Variants in CHPT1 observed in about 807,000 individuals in gnomAD.
CHPT1 encodes cholinephosphotransferase 1.
Under a neutral mutation model 47.6 loss-of-function variants are expected in CHPT1, and 36 were observed. The observed-to-expected ratio is 0.76, with a 90% CI of 0.58 to 1.00. The LOEUF is 1.00. CHPT1 is among the 50% of genes least tolerant of loss of function. The pLI is 0.00. For missense variants in CHPT1, 458 were observed against 498.1 expected (o/e 0.92, Z 0.77); for synonymous variants, 194 against 186.3 (o/e 1.04, Z -0.33).
intron 1 of CHPT1, among the ~76,000 whole-genome samples, chr12:101,713,194 C>T (rs1282080039): frequency 7.0e-6 from 1 of 143,182 alleles, no homozygotes; most frequent in Non-Finnish European, 1.6e-5. Context: ...AGGCTTTCTG[C>T]TTTGCCTGGT....
chr12:101,700,776 G>A (rs536241306), intron 1 of CHPT1, among the ~76,000 whole-genome samples: 98 of 152,310 alleles, frequency 6.4e-4, no homozygotes, highest in Non-Finnish European at 1.0e-3. Context: ...TACCACCTCA[G>A]TATTTCTTCT....
At chr12:101,726,145 A>C in intron 7 of CHPT1, 149 bp from the exon 8 acceptor site, 1 of 596,772 alleles carries the variant, frequency 1.7e-6, no homozygotes, top group Non-Finnish European at 2.9e-6. Flanking sequence ...TGAGGTCCAA[A>C]TTTGAAATGT....
At position 101,714,089 on chromosome 12, in the gene CHPT1, G is replaced by A; in HGVS notation, c.274-1G>A. 2 of 1,570,536 alleles carry A rather than the reference G, an allele frequency of 1.3e-6. No homozygotes were observed. The highest frequency in any genetic ancestry group is 2.4e-5 in the South Asian group (2 of 85,004). On this transcript the variant is annotated splice_acceptor_variant, in intron 1 of 8. Transcript: ENST00000229266. LOFTEE classifies it high-confidence loss of function. Reference sequence around the variant, plus strand: ...CTTTATTTTATTTACATTTTTTATAGGCACCATACTGGACATACCTTTTAT... The same window carrying A: ...CTTTATTTTATTTACATTTTTTATAAGCACCATACTGGACATACCTTTTAT...
At chr12:101,715,489 G>A (rs1026099592) in intron 3 of CHPT1, among the ~76,000 whole-genome samples, 4 of 151,272 alleles carry the variant, frequency 2.6e-5, no homozygotes, top group African/African-American at 4.9e-5. Flanking sequence ...ACCACCTATC[G>A]AGCACTTACA....
rs1192179854 is a variant in CHPT1 at position 101,709,408 on chromosome 12, A to C, written c.274-4682A>C. On this transcript the variant is annotated intron_variant, in intron 1 of 8. Coordinates refer to ENST00000229266, the MANE Select transcript of CHPT1 (RefSeq NM_020244.3). ...TGTGTCAAAAAAAAAAAAAAAAAAAAAAGTCTAATCTATAATTGTACCATT... is the reference window on the plus strand; with the variant it reads ...TGTGTCAAAAAAAAAAAAAAAAAAACAAGTCTAATCTATAATTGTACCATT... Among the ~76,000 whole-genome samples, 7 of 147,010 alleles carry C rather than the reference A, an allele frequency of 4.8e-5. 1 individual carries two copies. The highest frequency in any genetic ancestry group is 1.7e-4 in the African/African-American group (7 of 40,844).
chr12:101,717,929 AG>A (rs567879641), intron 4 of CHPT1, among the ~76,000 whole-genome samples: 192 of 152,358 alleles, frequency 1.3e-3, no homozygotes, highest in African/African-American at 4.3e-3. Flanking sequence ...TGAGCTATCA[AG>A]CCATGAAAAG....
chr12:101,726,605 TCA>T, intron 8 of CHPT1: 1 of 656,720 alleles, frequency 1.5e-6, no homozygotes, highest in Non-Finnish European at 2.3e-6. Context: ...TCATTTTTTA[TCA>T]CAGATGTTCT....
chr12:101,721,741 T>C (rs1286084696), intron 5 of CHPT1, among the ~76,000 whole-genome samples: 2 of 152,198 alleles, frequency 1.3e-5, no homozygotes, highest in Admixed American at 6.5e-5. Context: ...GAAAACAAGA[T>C]GTAGTAATGA....
In CHPT1 at chr12:101,712,053, C is replaced by T. The variant is rs11110977; in HGVS notation, c.274-2037C>T. On this transcript the variant is annotated intron_variant, in intron 1 of 8. Transcript: ENST00000229266. ...TATTTTATTTTTCAAGACAGGGTCT[C>T]GCTCTGTCACCCAGGCTGGAGTACA... Among the ~76,000 whole-genome samples, 3,333 of 148,668 alleles carry T rather than the reference C, an allele frequency of 0.022. 617 individuals carry two copies. The East Asian group carries it at 0.35, about 16-fold the overall frequency.
chr12:101,716,855 T>C, intron 4 of CHPT1, 43 bp downstream of exon 4: 1 of 1,251,504 alleles, frequency 8.0e-7, no homozygotes, highest in East Asian at 2.5e-5. Context: ...ACTTTTCAAA[T>C]ATTTAGGAAA....
At chr12:101,716,878 G>A in intron 4 of CHPT1, 66 bp downstream of exon 4, 1 of 944,524 alleles carries the variant, frequency 1.1e-6, no homozygotes. Context: ...GTATTGCATT[G>A]TTAATTTTCT....
chr12:101,701,383 T>G (rs559190719), intron 1 of CHPT1, among the ~76,000 whole-genome samples: 2 of 152,314 alleles, frequency 1.3e-5, no homozygotes, highest in Admixed American at 1.3e-4. Flanking sequence ...ATAATGACAA[T>G]AACTAACTTT....
rs944877526 is a variant in CHPT1 at position 101,716,914 on chromosome 12, A to T, written c.648+102A>T. ...TCAAAAATCCTTGGCATTGTATTTAATTTTTTTTTTTTAATTGGTGTATTT... is the reference window on the plus strand; with the variant it reads ...TCAAAAATCCTTGGCATTGTATTTATTTTTTTTTTTTTAATTGGTGTATTT... On this transcript the variant is annotated intron_variant, in intron 4 of 8. Transcript: ENST00000229266. 628 of 556,574 alleles carry T rather than the reference A, an allele frequency of 1.1e-3. 6 individuals carry two copies. The East Asian group carries it at 0.019, about 17-fold the overall frequency. The allele number at this position is 556,574 out of a possible 1,614,324, so 34.5% of individuals were successfully genotyped here. A position where few individuals can be genotyped will look rare whatever the true frequency, so the allele number is the denominator to read the frequency against.
chr12:101,698,257 G>C (rs1276314113), intron 1 of CHPT1, 123 bp downstream of exon 1: 22 of 1,312,864 alleles, frequency 1.7e-5, no homozygotes, highest in Admixed American at 4.2e-5. Context: ...GGGGCGGACT[G>C]GCCACTGCCC....
chr12:101,708,239 A>G (rs1419565788), intron 1 of CHPT1, among the ~76,000 whole-genome samples: 1 of 152,244 alleles, frequency 6.6e-6, no homozygotes, highest in Non-Finnish European at 1.5e-5. Flanking sequence ...CCTATGAATA[A>G]TTCAAATAAC....
rs184454425 is a variant in CHPT1 at position 101,725,909 on chromosome 12, A to G, written c.1066-385A>G. 3.3e-3 allele frequency among the ~76,000 whole-genome samples: 495 copies of G among 152,240 alleles called. 2 individuals carry two copies. The highest frequency in any genetic ancestry group is 3.8e-3 in the Non-Finnish European group (257 of 67,970). On this transcript the variant is annotated intron_variant, in intron 7 of 8. Transcript: ENST00000229266. The stretch of plus-strand genomic sequence containing the variant: ...TTTTACCTTCTTACAACTAACCTCA[A>G]AGAAACAGAAATGTATATGATGGAA...
chr12:101,703,690 C>A (rs1446476850), intron 1 of CHPT1, among the ~76,000 whole-genome samples: 1 of 152,080 alleles, frequency 6.6e-6, no homozygotes, highest in African/African-American at 2.4e-5. Flanking sequence ...AACCCTCCCT[C>A]CGTAAACAAA....
At chr12:101,725,539 A>AAT (rs1369310330) in intron 7 of CHPT1, among the ~76,000 whole-genome samples, 3 of 152,070 alleles carry the variant, frequency 2.0e-5, no homozygotes, top group Non-Finnish European at 4.4e-5. Flanking sequence ...CGTAACGAGT[A>AAT]ATTGGCCTGG....
rs1438414385 is a variant in CHPT1, at chr12:101,723,779, G to T, written c.997G>T (p.Gly333Cys). The T allele has an allele frequency of 3.1e-6, 5 of 1,587,540 alleles. 1 individual carries two copies. The South Asian group carries it at 5.6e-5, about 18-fold the overall frequency. The change falls in exon 7 of 9, where the codon GGT (glycine) becomes TGT (cysteine). Residue 333 changes from glycine (G) to cysteine (C), a missense_variant. Gly to Cys is a radical substitution (Grantham distance 159, BLOSUM62 -3). Transcript: ENST00000229266. The stretch of plus-strand genomic sequence containing the variant: ...TCAAGACACTGTCTTTTTGGGGCCA[G>T]GTCTTTTGTTTTTAGACCAGTACTT... ...YLQDTVFLGP[G>C]LLFLDQYFNN...
Sources: allele counts gnomAD v4.1 joint callset (sites outside exome capture counted in the v4.1 genomes callset), GRCh38; gene constraint gnomAD v4.1.1; transcripts MANE v1.5; gene names NCBI Gene and HGNC (gene_info 2026-07-23, HGNC 2026-07-21).